PCSK5: variants seen among roughly 807,000 people sequenced by gnomAD.
The protein encoded by PCSK5 is proprotein convertase subtilisin/kexin type 5.
Under a neutral mutation model 233.2 loss-of-function variants are expected in PCSK5, and 129 were observed. That is an observed-to-expected ratio of 0.55 (90% CI 0.48 to 0.64). The LOEUF (loss-of-function observed/expected upper bound fraction) is 0.64, where lower values mean the gene tolerates loss of function less well. Ranked by LOEUF, PCSK5 falls within the 30% of genes least tolerant of loss-of-function variation. The pLI, the probability that PCSK5 is intolerant of heterozygous loss-of-function variation, is 0.00. For synonymous variants in PCSK5, 825 were observed against 879.2 expected, an observed-to-expected ratio of 0.94 and a Z score of 1.09; for missense variants, 2,076 against 2,430.1, an observed-to-expected ratio of 0.85 and a Z score of 3.06.
chr9:75,974,675 A>G (rs1266309784), intron 2 of PCSK5, among the ~76,000 whole-genome samples: 1 of 152,010 alleles, frequency 6.6e-6, no homozygotes, highest in East Asian at 1.9e-4. Context: ...TATAATGAAA[A>G]CACCAAGTCA....
intron 24 of PCSK5, among the ~76,000 whole-genome samples, chr9:76,285,270 A>G (rs994195770): frequency 7.9e-5 from 12 of 152,208 alleles, no homozygotes; most frequent in African/African-American, 2.9e-4. Flanking sequence ...TGACTGGGCC[A>G]AAAGGTTGAG....
Position 75,902,214 on chromosome 9 carries a change from T to TAAAAAAAAAAAAAAAAA in PCSK5, c.192+10854_192+10870dup, listed in dbSNP as rs200579439. On this transcript the variant is annotated intron_variant, in intron 1 of 37. Coordinates refer to ENST00000674117, the MANE Select transcript of PCSK5 (RefSeq NM_001372043.1). ...CTGGGTGACAGAGTGAGACACCATC[T>TAAAAAAAAAAAAAAAAA]AAAAAAAAAAAAAAAAAAAAAAAAA... 6.8e-4 allele frequency among the ~76,000 whole-genome samples: 36 copies of TAAAAAAAAAAAAAAAAA among 53,290 alleles called. 1 individual carries two copies. Among genetic ancestry groups the TAAAAAAAAAAAAAAAAA allele is most frequent in the African/African-American group, 1.5e-3 (19 of 12,544 alleles). 35.0% of individuals were successfully genotyped at this position (53,290 alleles called of 152,430 possible). A position where few individuals can be genotyped will look rare whatever the true frequency, so the allele number is the denominator to read the frequency against.
intron 34 of PCSK5, among the ~76,000 whole-genome samples, chr9:76,336,580 T>C (rs556317415): frequency 9.2e-5 from 14 of 152,362 alleles, no homozygotes; most frequent in South Asian, 2.1e-4. Context: ...TAACTGACTT[T>C]AAGCAAGTTG....
At chr9:76,233,677 G>A in intron 22 of PCSK5, 81 bp downstream of exon 22, 3 of 1,328,556 alleles carry the variant, frequency 2.3e-6, no homozygotes, top group Non-Finnish European at 3.2e-6. Flanking sequence ...TGACCCAAAA[G>A]CCTTGTGTCT....
chr9:76,064,251 T>C (rs1830170688), intron 5 of PCSK5, among the ~76,000 whole-genome samples: 1 of 92,520 alleles, frequency 1.1e-5, no homozygotes, highest in African/African-American at 5.9e-5. Context: ...CCCATCTCCC[T>C]CCTGGACGGG....
chr9:76,256,610 A>G (rs1365890103), intron 24 of PCSK5, among the ~76,000 whole-genome samples: 4 of 152,232 alleles, frequency 2.6e-5, no homozygotes, highest in Non-Finnish European at 4.4e-5. Flanking sequence ...CTGGAAAATC[A>G]TTGCCAAATT....
At chr9:76,353,671 G>A (rs10869764) in intron 36 of PCSK5, among the ~76,000 whole-genome samples, 32,586 of 152,080 alleles carry the variant, frequency 0.21, 4,245 homozygotes, top group East Asian at 0.54. Flanking sequence ...TGAGATGCGG[G>A]AAATGAATGC....
At chr9:76,233,400 T>C in intron 21 of PCSK5, 60 bp from the exon 22 acceptor site, 1 of 1,570,226 alleles carries the variant, frequency 6.4e-7, no homozygotes. Flanking sequence ...CATGTTCTGA[T>C]ACTTAGGGCC....
chr9:76,220,199 CT>C (rs2131299504), intron 20 of PCSK5, among the ~76,000 whole-genome samples: 1 of 152,298 alleles, frequency 6.6e-6, no homozygotes, highest in South Asian at 2.1e-4. Flanking sequence ...CAATGAGAAG[CT>C]TTGTAAATTT....
chr9:75,942,694 G>A (rs931854013), intron 2 of PCSK5, among the ~76,000 whole-genome samples: 1 of 152,054 alleles, frequency 6.6e-6, no homozygotes. Flanking sequence ...AGACTTGTTC[G>A]AGGAAGCACC....
intron 9 of PCSK5, among the ~76,000 whole-genome samples, chr9:76,119,946 C>G (rs973163043): frequency 6.6e-6 from 1 of 152,058 alleles, no homozygotes; most frequent in Non-Finnish European, 1.5e-5. Flanking sequence ...CCCAGCACTT[C>G]CCATCACCAC....
intron 34 of PCSK5, among the ~76,000 whole-genome samples, chr9:76,333,394 G>A (rs1409447140): frequency 6.6e-6 from 1 of 152,200 alleles, no homozygotes; most frequent in Admixed American, 6.6e-5. Context: ...AAAGGAAATA[G>A]TTCCATTAAC....
At chr9:76,039,917 G>A (rs1587536027) in intron 5 of PCSK5, among the ~76,000 whole-genome samples, 1 of 152,170 alleles carries the variant, frequency 6.6e-6, no homozygotes, top group African/African-American at 2.4e-5. Context: ...CAAATCTCAG[G>A]TTCCCTCGAA....
At chr9:75,946,823 C>T (rs1442444871) in intron 2 of PCSK5, among the ~76,000 whole-genome samples, 5 of 152,068 alleles carry the variant, frequency 3.3e-5, no homozygotes, top group Admixed American at 1.3e-4. Flanking sequence ...CTCCTGACCT[C>T]GTGATCCACC....
At chr9:76,103,748 A>G (rs1015661389) in intron 8 of PCSK5, among the ~76,000 whole-genome samples, 1 of 152,162 alleles carries the variant, frequency 6.6e-6, no homozygotes, top group Non-Finnish European at 1.5e-5. Context: ...GATCTGGCTC[A>G]GGGCCTGGTG....
chr9:76,233,555 G>T lies in PCSK5; in HGVS notation c.2825G>T (p.Cys942Phe). 6.2e-7 allele frequency: 1 copy of T among 1,612,068 alleles called. No homozygotes were observed. The highest frequency in any genetic ancestry group is 8.5e-7 in the Non-Finnish European group (1 of 1,179,802). ...CCATGCCACCACACCTGCCAGAGAT[G>T]CCAAGGAAGTGGCCCTACCCACTGC... ...CHPCHHTCQR[C>F]QGSGPTHCTS... is the part of the protein sequence containing the mutation. Residue 942 changes from cysteine to phenylalanine, a missense_variant, in exon 22 of 38, where the codon TGC (cysteine) becomes TTC (phenylalanine). Cys to Phe is a radical substitution (Grantham distance 205, BLOSUM62 -2). Around this residue, in one of 6 missense-constraint regions of PCSK5, gnomAD observed 1,510 missense variants for 1,538.1 expected, o/e 0.98. Coordinates refer to ENST00000674117, the MANE Select transcript of PCSK5 (RefSeq NM_001372043.1).
At chr9:76,200,560 T>A (rs12238424) in intron 20 of PCSK5, among the ~76,000 whole-genome samples, 42,665 of 152,132 alleles carry the variant, frequency 0.28, 6,777 homozygotes, top group East Asian at 0.67. Flanking sequence ...GCACATGCCT[T>A]GCTTAAGAAA....
intron 24 of PCSK5, among the ~76,000 whole-genome samples, chr9:76,249,162 A>G (rs1213292446): frequency 6.6e-6 from 1 of 152,194 alleles, no homozygotes; most frequent in African/African-American, 2.4e-5. Flanking sequence ...GACAGTTTTG[A>G]TTGTCGTGAC....
chr9:76,072,668 C>T (rs1211194383), intron 7 of PCSK5, among the ~76,000 whole-genome samples: 1 of 152,134 alleles, frequency 6.6e-6, no homozygotes, highest in Non-Finnish European at 1.5e-5. Flanking sequence ...CCCTAACCTG[C>T]CTTTTCTTCT....
Sources: gnomAD v4.1 joint callset for allele counts (sites outside exome capture counted in the v4.1 genomes callset) on GRCh38, gnomAD v4.1.1 for gene constraint, gnomAD v4.1.1 regional missense constraint, MANE v1.5 for transcripts, NCBI Gene and HGNC (gene_info 2026-07-23, HGNC 2026-07-21) for gene names.